TRAF3IP1: variants seen among roughly 807,000 people sequenced by gnomAD.
TRAF3IP1 encodes the protein TRAF3-interacting protein 1.
A neutral mutation model predicts 89.9 loss-of-function variants in TRAF3IP1; 53 were observed. The ratio of observed to expected loss-of-function variants is 0.59; its 90% confidence interval spans 0.47 to 0.74. The LOEUF is 0.74. Ranked by LOEUF, TRAF3IP1 falls within the 30% of genes least tolerant of loss-of-function variation. The pLI, the probability that TRAF3IP1 is intolerant of heterozygous loss-of-function variation, is 0.00. For missense variants in TRAF3IP1, 806 were observed against 866.1 expected (o/e 0.93, Z 0.87); for synonymous variants, 311 against 322.1 (o/e 0.97, Z 0.37).
intron 15 of TRAF3IP1, among the ~76,000 whole-genome samples, chr2:238,356,944 A>G (rs1699441123): frequency 6.6e-6 from 1 of 151,726 alleles, no homozygotes; most frequent in South Asian, 2.1e-4. Context: ...GCTCCTAGCT[A>G]ATATTTTGTA....
chr2:238,326,384 A>T (rs1231464225), intron 3 of TRAF3IP1, among the ~76,000 whole-genome samples: 21 of 151,760 alleles, frequency 1.4e-4, no homozygotes, highest in Admixed American at 1.3e-3. Context: ...CCTGGGTCTT[A>T]TGGGAGTCTC....
intron 7 of TRAF3IP1, among the ~76,000 whole-genome samples, chr2:238,334,499 G>A (rs772662287): frequency 5.3e-5 from 8 of 151,208 alleles, no homozygotes; most frequent in Admixed American, 6.6e-5. Flanking sequence ...CCTGCGGTCC[G>A]CTGAAGGATA....
At chr2:238,387,419 T>G (rs1011399136) in intron 15 of TRAF3IP1, among the ~76,000 whole-genome samples, 11 of 152,234 alleles carry the variant, frequency 7.2e-5, no homozygotes, top group Non-Finnish European at 7.3e-5. Flanking sequence ...AGAAATGGCA[T>G]GGGAGTAGAG....
At chr2:238,346,896 C>T (rs199878081) in intron 9 of TRAF3IP1, among the ~76,000 whole-genome samples, 1 of 152,242 alleles carries the variant, frequency 6.6e-6, no homozygotes, top group East Asian at 1.9e-4. Context: ...GTTTAGGTCA[C>T]ATTTGTCCTC....
At chr2:238,369,065 T>C (rs1006173871) in intron 15 of TRAF3IP1, among the ~76,000 whole-genome samples, 6 of 152,160 alleles carry the variant, frequency 3.9e-5, no homozygotes, top group African/African-American at 1.4e-4. Flanking sequence ...AATTTCTGTA[T>C]ATTAGTATTT....
chr2:238,366,727 A>G (rs1699891253), intron 15 of TRAF3IP1, among the ~76,000 whole-genome samples: 1 of 152,148 alleles, frequency 6.6e-6, no homozygotes, highest in Admixed American at 6.6e-5. Flanking sequence ...CATAAAAAAA[A>G]ATCTTTATTT....
rs1464396267 is a variant in TRAF3IP1 at position 238,379,055 on chromosome 2, C to T, written c.1690-18404C>T. Among the ~76,000 whole-genome samples, 1 of 152,192 alleles carries T rather than the reference C, an allele frequency of 6.6e-6. No homozygotes were observed. The highest frequency in any genetic ancestry group is 2.4e-5 in the African/African-American group (1 of 41,452). Reference sequence around the variant, plus strand: ...CTGGCGCTGATGCTGATGCAGCCGCCCTGTGTCAGGTGCTCAGCGGAACCC... The same window carrying T: ...CTGGCGCTGATGCTGATGCAGCCGCTCTGTGTCAGGTGCTCAGCGGAACCC... On this transcript the variant is annotated intron_variant, in intron 15 of 16. Coordinates refer to ENST00000373327, the MANE Select transcript of TRAF3IP1 (RefSeq NM_015650.4). This position sits in a 1 kb window ranked among gnomAD's most constrained non-coding sequence, Gnocchi z 4.0.
At chr2:238,346,474 G>A (rs575230123) in intron 9 of TRAF3IP1, among the ~76,000 whole-genome samples, 2 of 152,120 alleles carry the variant, frequency 1.3e-5, no homozygotes, top group Non-Finnish European at 2.9e-5. Context: ...GGTTCCCCTT[G>A]ATCCACAAGC....
chr2:238,364,177 T>C (rs917699005), intron 15 of TRAF3IP1, among the ~76,000 whole-genome samples: 1 of 152,210 alleles, frequency 6.6e-6, no homozygotes, highest in Non-Finnish European at 1.5e-5. Context: ...ATTTTTTCAA[T>C]GCTAAAGAAA....
Position 238,329,175 on chromosome 2 carries a change from G to A in TRAF3IP1, c.748G>A (p.Glu250Lys). The A allele has an allele frequency of 1.9e-6, 3 of 1,563,408 alleles. No individual in the cohort carries two copies. The highest frequency in any genetic ancestry group is 8.6e-7 in the Non-Finnish European group (1 of 1,157,440). The change falls in exon 5 of 17, where the codon GAG (glutamate) becomes AAG (lysine). Residue 250 changes from glutamate to lysine, a missense_variant. By Grantham distance (56) the Glu-to-Lys change is moderately conservative. Transcript: ENST00000373327. ...DRDSERKKET[E>K]RKSEGGKEKE... ...AGACTCCGAGCGCAAGAAGGAGACA[G>A]AGAGAAAGAGTGAGGGGGGGAAAGA...
intron 8 of TRAF3IP1, 111 bp downstream of exon 8, chr2:238,338,568 A>G: frequency 1.6e-6 from 1 of 610,710 alleles, no homozygotes; most frequent in Non-Finnish European, 2.7e-6. Flanking sequence ...TTTAATGTTC[A>G]TGAGACTTTT....
chr2:238,392,665 C>T (rs192760719), intron 15 of TRAF3IP1, among the ~76,000 whole-genome samples: 2 of 152,068 alleles, frequency 1.3e-5, no homozygotes, highest in Admixed American at 6.5e-5. Context: ...CTCGCCCCCC[C>T]ACCCGGGTTC....
chr2:238,386,891 T>C (rs1449855475), intron 15 of TRAF3IP1, among the ~76,000 whole-genome samples: 1 of 152,240 alleles, frequency 6.6e-6, no homozygotes, highest in Non-Finnish European at 1.5e-5. Flanking sequence ...CATTCACGTT[T>C]ATCTGTAAAA....
intron 5 of TRAF3IP1, among the ~76,000 whole-genome samples, chr2:238,331,093 C>T (rs1574897522): frequency 6.6e-6 from 1 of 151,970 alleles, no homozygotes; most frequent in South Asian, 2.1e-4. Flanking sequence ...ATTGAGGGTC[C>T]CCACGTTATG....
chr2:238,338,528 T>C, intron 8 of TRAF3IP1, 71 bp downstream of exon 8: 1 of 833,536 alleles, frequency 1.2e-6, no homozygotes, highest in Non-Finnish European at 1.9e-6. Flanking sequence ...TCAATGTAGT[T>C]ATACATTGTT....
chr2:238,347,705 G>A (rs535424452), intron 10 of TRAF3IP1, among the ~76,000 whole-genome samples: 1 of 151,972 alleles, frequency 6.6e-6, no homozygotes, highest in South Asian at 2.1e-4. Context: ...TCGGTTCACC[G>A]CAACCTCTGC....
intron 7 of TRAF3IP1, 45 bp downstream of exon 7, chr2:238,334,080 T>TTG: frequency 1.4e-6 from 2 of 1,379,966 alleles, no homozygotes; most frequent in Non-Finnish European, 2.0e-6. Flanking sequence ...GGATATTAGT[T>TTG]TTTTTTTTTT....
intron 15 of TRAF3IP1, among the ~76,000 whole-genome samples, chr2:238,368,943 G>T (rs1699995900): frequency 6.6e-6 from 1 of 152,146 alleles, no homozygotes; most frequent in South Asian, 2.1e-4. Flanking sequence ...AAAGTGCTGG[G>T]ATTACAAGCG....
chr2:238,325,160 G>C (rs75933052), intron 1 of TRAF3IP1, 146 bp from the exon 2 acceptor site: 194 of 780,500 alleles, frequency 2.5e-4, no homozygotes, highest in Non-Finnish European at 3.5e-4. Context: ...AGCACGTGTA[G>C]TAGACATCAA....
Sources: gnomAD v4.1 joint callset for allele counts (sites outside exome capture counted in the v4.1 genomes callset) on GRCh38, gnomAD v4.1.1 for gene constraint, Gnocchi (gnomAD v3.1) non-coding constraint, MANE v1.5 for transcripts, NCBI Gene and HGNC (gene_info 2026-07-23, HGNC 2026-07-21) for gene names.